The following NEK11 variants were observed in gnomAD, a reference collection of about 807,000 sequenced individuals.
NEK11 encodes the protein NIMA related kinase 11, also known as serine/threonine-protein kinase Nek11.
A neutral mutation model predicts 80.7 loss-of-function variants in NEK11; 72 were observed. The observed-to-expected ratio is 0.89, with a 90% CI of 0.74 to 1.08. The LOEUF (loss-of-function observed/expected upper bound fraction) is 1.08. NEK11 is among the 50% of genes least tolerant of loss of function. The pLI, the probability that NEK11 is intolerant of heterozygous loss-of-function variation, is 0.00. For synonymous variants in NEK11, 251 were observed against 260.7 expected (o/e 0.96, Z 0.36); for missense variants, 764 against 763.6 (o/e 1.00, Z -0.01).
At chr3:131,113,404 A>C (rs2080447281) in intron 5 of NEK11, among the ~76,000 whole-genome samples, 1 of 152,084 alleles carries the variant, frequency 6.6e-6, no homozygotes, top group Admixed American at 6.5e-5. Context: ...TCTGAAACAA[A>C]GACTAGGGTA....
At chr3:131,210,621 G>T (rs886309554) in intron 14 of NEK11, among the ~76,000 whole-genome samples, 1 of 152,098 alleles carries the variant, frequency 6.6e-6, no homozygotes, top group African/African-American at 2.4e-5. Flanking sequence ...TCTCTTTGTA[G>T]GTCTCTAAGG....
chr3:131,310,195 A>T (rs1378984438), intron 17 of NEK11, among the ~76,000 whole-genome samples: 1 of 152,136 alleles, frequency 6.6e-6, no homozygotes, highest in Non-Finnish European at 1.5e-5. Context: ...ATATGAGGTC[A>T]TAAAAAGTAT....
intron 14 of NEK11, among the ~76,000 whole-genome samples, chr3:131,201,747 G>T (rs916150460): frequency 6.6e-6 from 1 of 151,798 alleles, no homozygotes; most frequent in Non-Finnish European, 1.5e-5. Flanking sequence ...TTTCTGGCAG[G>T]CATCCTGTAT....
intron 3 of NEK11, among the ~76,000 whole-genome samples, chr3:131,065,766 C>G (rs936448652): frequency 6.6e-6 from 1 of 152,160 alleles, no homozygotes; most frequent in Non-Finnish European, 1.5e-5. Flanking sequence ...ATTTCCAGCT[C>G]GTGTTTCAGC....
At chr3:131,069,952 A>G (rs1560254780) in intron 3 of NEK11, among the ~76,000 whole-genome samples, 1 of 151,364 alleles carries the variant, frequency 6.6e-6, no homozygotes, top group African/African-American at 2.4e-5. Context: ...CAATGTGCAC[A>G]TGTACCCTAA....
intron 2 of NEK11, among the ~76,000 whole-genome samples, 188 bp downstream of exon 2, chr3:131,028,190 G>A (rs2064188201): frequency 1.3e-5 from 2 of 152,182 alleles, no homozygotes; most frequent in Non-Finnish European, 2.9e-5. Flanking sequence ...CTGGTATTAG[G>A]TACAACTTAA....
At chr3:131,227,399 C>T (rs2095230642) in intron 14 of NEK11, among the ~76,000 whole-genome samples, 1 of 152,040 alleles carries the variant, frequency 6.6e-6, no homozygotes, top group Non-Finnish European at 1.5e-5. Context: ...CATGAGAATT[C>T]TATTACTCAA....
intron 17 of NEK11, among the ~76,000 whole-genome samples, chr3:131,276,190 A>T (rs1264608482): frequency 3.9e-5 from 6 of 152,242 alleles, no homozygotes; most frequent in Admixed American, 1.3e-4. Flanking sequence ...CAGTTTCTTT[A>T]TCTATAAAAT....
intron 17 of NEK11, chr3:131,326,232 C>T (rs1365845988): frequency 6.6e-6 from 1 of 152,166 alleles, no homozygotes. Context: ...TTGGCTGCAG[C>T]TCCTTGCTAT....
At chr3:131,338,029 C>T (rs550892810) in intron 17 of NEK11, among the ~76,000 whole-genome samples, 5 of 151,838 alleles carry the variant, frequency 3.3e-5, no homozygotes, top group African/African-American at 4.8e-5. Flanking sequence ...TGCAGTGGCA[C>T]GATCTTGGCT....
intron 14 of NEK11, among the ~76,000 whole-genome samples, chr3:131,209,660 G>C (rs2094549867): frequency 6.6e-6 from 1 of 152,150 alleles, no homozygotes; most frequent in South Asian, 2.1e-4. Flanking sequence ...CTCAATTTCA[G>C]GGTCTGTTAT....
intron 10 of NEK11, among the ~76,000 whole-genome samples, chr3:131,160,206 G>C (rs1020273960): frequency 6.6e-6 from 1 of 152,184 alleles, no homozygotes; most frequent in South Asian, 2.1e-4. Flanking sequence ...ACAAAGGGAA[G>C]CCCATCAAAC....
rs770977418 is a variant in NEK11 at position 131,152,515 on chromosome 3, G to T, written c.775G>T (p.Glu259Ter). 6.2e-7 allele frequency: 1 copy of T among 1,613,236 alleles called. No homozygotes were observed. Among genetic ancestry groups the T allele is most frequent in the African/African-American group, 1.3e-5 (1 of 74,834 alleles). ...TPSLPERYPK[E>*]LNAIMESMLN... ...TTCTCTCCCTGAGAGATATCCAAAA[G>T]AACTAAATGCCATCATGGAAAGGTA... is the stretch of plus-strand genomic sequence containing the variant. Residue 259 changes from glutamate (E) to a stop codon, truncating the protein, a stop_gained, in exon 8 of 18, where the codon GAA becomes TAA. Coordinates refer to ENST00000383366, the MANE Select transcript of NEK11 (RefSeq NM_024800.5). LOFTEE classifies it high-confidence loss of function.
chr3:131,202,218 G>T (rs954506025), intron 14 of NEK11, among the ~76,000 whole-genome samples: 1 of 152,102 alleles, frequency 6.6e-6, no homozygotes, highest in East Asian at 1.9e-4. Flanking sequence ...CAACTGAGAT[G>T]CCTGGTTCAT....
At chr3:131,161,362 A>G (rs144966469) in intron 10 of NEK11, among the ~76,000 whole-genome samples, 5 of 152,298 alleles carry the variant, frequency 3.3e-5, no homozygotes, top group East Asian at 3.9e-4. Flanking sequence ...AAATCATTCT[A>G]TCATAAAGAC....
At position 131,170,828 on chromosome 3, in the gene NEK11, T is replaced by C. The variant is rs1470943626; in HGVS notation, c.1340T>C (p.Met447Thr). 5 of 1,614,056 alleles carry C rather than the reference T, an allele frequency of 3.1e-6. No homozygotes were observed. The highest frequency in any genetic ancestry group is 4.2e-6 in the Non-Finnish European group (5 of 1,180,024). The change falls in exon 14 of 18, where the codon ATG (methionine) becomes ACG (threonine). Residue 447 changes from methionine (M) to threonine (T), a missense_variant. Coordinates refer to ENST00000383366, the MANE Select transcript of NEK11 (RefSeq NM_024800.5). ...NLPESQPIPS[M>T]DLHELESIVE... is the part of the protein sequence containing the mutation. ...CCTGAGTCTCAGCCTATTCCTTCCA[T>C]GGACCTCCACGAACTTGAATCAATT... is the stretch of plus-strand genomic sequence containing the variant.
At chr3:131,245,142 C>T (rs764678500) in intron 16 of NEK11, among the ~76,000 whole-genome samples, 2 of 152,046 alleles carry the variant, frequency 1.3e-5, no homozygotes, top group Non-Finnish European at 2.9e-5. Context: ...ACTGTATATC[C>T]ATATGTACAC....
chr3:131,319,397 A>G (rs986790201), intron 17 of NEK11, among the ~76,000 whole-genome samples: 1 of 152,188 alleles, frequency 6.6e-6, no homozygotes, highest in Non-Finnish European at 1.5e-5. Flanking sequence ...CTGGTATGGG[A>G]AAAACAGACA....
intron 5 of NEK11, among the ~76,000 whole-genome samples, chr3:131,116,142 C>G (rs2081187478): frequency 6.6e-6 from 1 of 151,862 alleles, no homozygotes; most frequent in Admixed American, 6.6e-5. Context: ...CACCCCATGA[C>G]AGGCTCCAGT....
Sources: gnomAD v4.1 joint callset for allele counts (sites outside exome capture counted in the v4.1 genomes callset) on GRCh38, gnomAD v4.1.1 for gene constraint, MANE v1.5 for transcripts, NCBI Gene and HGNC (gene_info 2026-07-23, HGNC 2026-07-21) for gene names.